CALN1: variants seen among roughly 807,000 people sequenced by gnomAD.
CALN1 encodes calcium-binding protein 8.
A neutral mutation model predicts 30.6 loss-of-function variants in CALN1; 17 were observed. That is an observed-to-expected ratio of 0.56 (90% CI 0.38 to 0.83). The LOEUF (loss-of-function observed/expected upper bound fraction) is 0.83. CALN1 is among the 40% of genes least tolerant of loss of function. The pLI is 0.00. For synonymous variants in CALN1, 156 were observed against 131.4 expected, an observed-to-expected ratio of 1.19 and a Z score of -1.28; for missense variants, 291 against 354.9, an observed-to-expected ratio of 0.82 and a Z score of 1.45.
At chr7:71,793,611 C>T (rs890388651) in intron 6 of CALN1, among the ~76,000 whole-genome samples, 1 of 152,104 alleles carries the variant, frequency 6.6e-6, no homozygotes, top group African/African-American at 2.4e-5. Context: ...GTGGCTCACA[C>T]CCGTAATCCC....
At chr7:71,946,406 C>T (rs1435786750) in intron 5 of CALN1, among the ~76,000 whole-genome samples, 2 of 139,092 alleles carry the variant, frequency 1.4e-5, no homozygotes, top group East Asian at 2.1e-4. Flanking sequence ...CTTGCTCTGT[C>T]ACCCAGAGTG....
intron 3 of CALN1, among the ~76,000 whole-genome samples, chr7:72,269,123 G>C (rs1036847808): frequency 6.6e-6 from 1 of 152,184 alleles, no homozygotes; most frequent in Non-Finnish European, 1.5e-5. Flanking sequence ...AGAACACTAT[G>C]CAGAGAGGGA....
At chr7:72,199,140 T>A (rs1164304473) in intron 3 of CALN1, among the ~76,000 whole-genome samples, 1 of 151,962 alleles carries the variant, frequency 6.6e-6, no homozygotes, top group Non-Finnish European at 1.5e-5. Context: ...CTGGGCGTGG[T>A]GGTGGGCGCC....
intron 2 of CALN1, among the ~76,000 whole-genome samples, chr7:72,289,196 T>C (rs756425864): frequency 2.2e-4 from 33 of 152,192 alleles, no homozygotes; most frequent in Non-Finnish European, 4.4e-4. Flanking sequence ...TTCTAAGTCA[T>C]TATGTTTTCA....
At chr7:72,050,972 G>A (rs958017144) in intron 4 of CALN1, among the ~76,000 whole-genome samples, 8 of 150,972 alleles carry the variant, frequency 5.3e-5, no homozygotes, top group Middle Eastern at 3.4e-3. Flanking sequence ...TCCAGCCTGG[G>A]TGACAGAGCA....
chr7:72,430,697 T>A (rs1314239822), intron 1 of CALN1, among the ~76,000 whole-genome samples: 1 of 152,048 alleles, frequency 6.6e-6, no homozygotes, highest in Admixed American at 6.5e-5. Context: ...TCAGAAGCAA[T>A]GCCAGCTCTA....
rs1180236539 is a variant in CALN1 at position 71,782,281 on chromosome 7, C to T, written c.*5494G>A. On this transcript the variant is annotated 3_prime_UTR_variant, in exon 7 of 7. Transcript: ENST00000395275. Reference sequence around the variant, plus strand: ...TGAGTGAATTCTTACTTTATTAGTTCATGCAATTGCGGGTTGTTAAGAAAA... The same window carrying T: ...TGAGTGAATTCTTACTTTATTAGTTTATGCAATTGCGGGTTGTTAAGAAAA... 2.0e-5 allele frequency: 3 copies of T among 152,174 alleles called. No individual in the cohort carries two copies. In the East Asian group the frequency reaches 5.8e-4, roughly 29 times the overall value. 9.4% of individuals were successfully genotyped at this position (152,174 alleles called of 1,614,324 possible). A position where few individuals can be genotyped will look rare whatever the true frequency, so the allele number is the denominator to read the frequency against.
chr7:72,189,136 G>A (rs1022270548), intron 3 of CALN1, among the ~76,000 whole-genome samples: 6 of 152,182 alleles, frequency 3.9e-5, no homozygotes, highest in Admixed American at 3.3e-4. Flanking sequence ...AAAAACATAC[G>A]TGAGCTTCAG....
intron 5 of CALN1, among the ~76,000 whole-genome samples, chr7:71,928,188 G>A (rs1280639797): frequency 6.6e-6 from 1 of 152,122 alleles, no homozygotes; most frequent in Non-Finnish European, 1.5e-5. Flanking sequence ...GAGGTCCATG[G>A]AGAATACCCT....
At chr7:71,993,677 G>C (rs1440194082) in intron 5 of CALN1, among the ~76,000 whole-genome samples, 1 of 151,982 alleles carries the variant, frequency 6.6e-6, no homozygotes, top group Non-Finnish European at 1.5e-5. Flanking sequence ...GGCTGGTCTC[G>C]AACTCCTGGG....
At chr7:72,073,463 G>T (rs1804534675) in intron 4 of CALN1, among the ~76,000 whole-genome samples, 1 of 152,152 alleles carries the variant, frequency 6.6e-6, no homozygotes, top group Admixed American at 6.5e-5. Flanking sequence ...AGTGCCTCCA[G>T]TAAGATCTGC....
intron 3 of CALN1, among the ~76,000 whole-genome samples, chr7:72,131,240 G>A (rs1809124540): frequency 1.3e-5 from 2 of 152,258 alleles, no homozygotes; most frequent in East Asian, 3.9e-4. Context: ...GTCATGGGAG[G>A]AAACTGATTT....
intron 4 of CALN1, among the ~76,000 whole-genome samples, chr7:72,058,594 C>A (rs1186140937): frequency 1.3e-5 from 2 of 152,204 alleles, no homozygotes; most frequent in East Asian, 1.9e-4. Flanking sequence ...GCTGGGATTA[C>A]AGGCACAAGC....
chr7:72,130,471 C>T (rs187399476), intron 3 of CALN1, among the ~76,000 whole-genome samples: 12 of 152,180 alleles, frequency 7.9e-5, no homozygotes, highest in Middle Eastern at 3.4e-3. Flanking sequence ...TAGTGGGGAG[C>T]GTAGCTGCCT....
chr7:72,276,784 T>G (rs1039916940), intron 3 of CALN1, among the ~76,000 whole-genome samples: 1 of 152,152 alleles, frequency 6.6e-6, no homozygotes, highest in Non-Finnish European at 1.5e-5. Context: ...GACTTCCCAG[T>G]CTTCAGAACC....
At chr7:72,296,448 CTCCTT>C (rs1351916600) in intron 2 of CALN1, among the ~76,000 whole-genome samples, 16 of 151,056 alleles carry the variant, frequency 1.1e-4, no homozygotes, top group African/African-American at 3.9e-4. Flanking sequence ...GTACCAGTTC[CTCCTT>C]GTACCTCTGT....
intron 3 of CALN1, among the ~76,000 whole-genome samples, chr7:72,275,516 G>A (rs761720071): frequency 8.5e-5 from 13 of 152,134 alleles, no homozygotes; most frequent in African/African-American, 2.7e-4. Context: ...CTCAGTGTTC[G>A]CCTTGGCAAA....
At chr7:71,907,296 C>T (rs140789245) in intron 5 of CALN1, among the ~76,000 whole-genome samples, 13 of 150,732 alleles carry the variant, frequency 8.6e-5, no homozygotes, top group Non-Finnish European at 1.5e-4. Flanking sequence ...TGTGTTCCAT[C>T]GCAAGCGTCT....
At chr7:72,477,651 G>C in the CALN1 span, among the ~76,000 whole-genome samples, 1 of 152,090 alleles carries the variant, frequency 6.6e-6, no homozygotes, top group African/African-American at 2.4e-5. Context: ...TGAACTCCTA[G>C]CTTCAAGCAA....
Sources: allele counts gnomAD v4.1 joint callset (sites outside exome capture counted in the v4.1 genomes callset), GRCh38; gene constraint gnomAD v4.1.1; transcripts MANE v1.5; gene names NCBI Gene and HGNC (gene_info 2026-07-23, HGNC 2026-07-21).